MAST3: variants seen among roughly 807,000 people sequenced by gnomAD.
The protein encoded by MAST3 is microtubule associated serine/threonine kinase 3, also known as microtubule-associated serine/threonine-protein kinase 3.
MAST3 carries 43 observed loss-of-function variants against 127.0 expected under a neutral mutation model. That is an observed-to-expected ratio of 0.34 (90% CI 0.27 to 0.44). The LOEUF (loss-of-function observed/expected upper bound fraction) is 0.44. Ranked by LOEUF, MAST3 falls within the 20% of genes least tolerant of loss-of-function variation. The pLI is 1.00. For missense variants in MAST3, 1,390 were observed against 1,919.1 expected (o/e 0.72, Z 5.15); for synonymous variants, 785 against 809.2 (o/e 0.97, Z 0.51).
intron 2 of MAST3, chr19:18,109,840 T>G: frequency 3.1e-6 from 2 of 643,942 alleles, no homozygotes; most frequent in Non-Finnish European, 3.9e-6. Context: ...GGATGCGGGG[T>G]TGGGGAGTTG....
chr19:18,111,199 G>A (rs1368851158), intron 3 of MAST3, among the ~76,000 whole-genome samples: 4 of 152,066 alleles, frequency 2.6e-5, no homozygotes, highest in Non-Finnish European at 4.4e-5. Flanking sequence ...GTGACTGAGC[G>A]CTCCCTAACC....
intron 3 of MAST3, among the ~76,000 whole-genome samples, chr19:18,119,954 G>A (rs2039768221): frequency 6.6e-6 from 1 of 152,228 alleles, no homozygotes; most frequent in Non-Finnish European, 1.5e-5. Flanking sequence ...GCGGCTTGGG[G>A]TGTGTGGGCT....
intron 17 of MAST3, among the ~76,000 whole-genome samples, chr19:18,135,456 C>T (rs2041795423): frequency 6.6e-6 from 1 of 152,008 alleles, no homozygotes; most frequent in African/African-American, 2.4e-5. Context: ...CAGAGCGAGA[C>T]TCCATCTCAA....
At chr19:18,101,965 C>T (rs1373969655) in intron 1 of MAST3, among the ~76,000 whole-genome samples, 1 of 133,454 alleles carries the variant, frequency 7.5e-6, no homozygotes, top group South Asian at 2.3e-4. Context: ...TCCGCTCATT[C>T]CACCTCCCAG....
intron 8 of MAST3, 30 bp downstream of exon 8, chr19:18,123,685 C>T: frequency 6.7e-7 from 1 of 1,500,380 alleles, no homozygotes; most frequent in Non-Finnish European, 8.9e-7. Context: ...TGGACCAGCC[C>T]CTGCACTTCT....
At chr19:18,140,717 T>G (rs1305375442) in intron 20 of MAST3, among the ~76,000 whole-genome samples, 1 of 152,296 alleles carries the variant, frequency 6.6e-6, no homozygotes. Flanking sequence ...ATGGAACACA[T>G]TGTTTATCCA....
chr19:18,136,895 T>C (rs969122502), intron 18 of MAST3, among the ~76,000 whole-genome samples: 1 of 151,496 alleles, frequency 6.6e-6, no homozygotes, highest in Non-Finnish European at 1.5e-5. Context: ...CTCAGCTCAC[T>C]GCTGCAATCT....
chr19:18,098,323 G>A (rs2037186325), intron 1 of MAST3, among the ~76,000 whole-genome samples: 1 of 152,078 alleles, frequency 6.6e-6, no homozygotes, highest in Non-Finnish European at 1.5e-5. Flanking sequence ...AGGAAACTGA[G>A]GCTCTAGTCC....
Position 18,131,959 on chromosome 19 carries a change from A to G in MAST3, c.1483A>G (p.Met495Val). 2 of 1,613,586 alleles carry G rather than the reference A, an allele frequency of 1.2e-6. No individual in the cohort carries two copies. Among genetic ancestry groups the G allele is most frequent in the Non-Finnish European group, 1.7e-6 (2 of 1,179,808 alleles). ...GAACATGGGCCCGCTGCCCGTGGAC[A>G]TGGCCCGCCTGTACTTCGCCGAGAC... is the stretch of plus-strand genomic sequence containing the variant. ...LKNMGPLPVD[M>V]ARLYFAETVL... is the part of the protein sequence containing the mutation. Residue 495 changes from methionine (M) to valine (V), a missense_variant, in exon 15 of 28, where the codon ATG becomes GTG. This residue lies in a region of MAST3 where 191 missense variants were observed against 409.0 expected (regional missense o/e 0.47). Coordinates refer to ENST00000687212, the MANE Select transcript of MAST3 (RefSeq NM_001393504.1).
intron 16 of MAST3, 44 bp downstream of exon 16, chr19:18,134,755 C>G (rs766575109): frequency 5.7e-5 from 92 of 1,613,372 alleles, no homozygotes; most frequent in Non-Finnish European, 7.5e-5. Context: ...GCCTCCTCCT[C>G]TCTCCTGGGA....
chr19:18,148,819 T>C (rs1429088377), intron 27 of MAST3, among the ~76,000 whole-genome samples: 1 of 151,726 alleles, frequency 6.6e-6, no homozygotes, highest in African/African-American at 2.4e-5. Flanking sequence ...ACGAGAATCA[T>C]TTCAACCTGG....
In MAST3 at chr19:18,146,792, G is replaced by A. The variant is rs909083555; in HGVS notation, c.3163-89G>A. 9 of 1,318,076 alleles carry A rather than the reference G, an allele frequency of 6.8e-6. No individual in the cohort carries two copies. In the African/African-American group the frequency reaches 1.3e-4, roughly 19 times the overall value. The allele number at this position is 1,318,076 out of a possible 1,614,324, so 81.6% of individuals were successfully genotyped here. On this transcript the variant is annotated intron_variant, in intron 25 of 27. Coordinates refer to ENST00000687212, the MANE Select transcript of MAST3 (RefSeq NM_001393504.1). ...GCTGGGGTGGTGGGTCCCAGCTGGT[G>A]CCCGGAGTGAAGGGGACATAGCAGC...
chr19:18,149,436 C>A lies in MAST3; in HGVS notation c.3754C>A (p.Arg1252=), dbSNP rs755307229. The part of the protein sequence containing the change: ...PLPGHPPAPA[R]SPRLRRGQSA... The stretch of plus-strand genomic sequence containing the variant: ...GCCCGGGCACCCGCCCGCACCTGCC[C>A]GATCCCCGCGGCTGCGCCGGGGCCA... Residue 1252 remains arginine, a synonymous_variant, in exon 28 of 28, where the codon CGA becomes AGA. Transcript: ENST00000687212. The surrounding 1 kb of genome is among the most constrained non-coding windows in gnomAD (Gnocchi z 5.9). 6.6e-7 allele frequency: 1 copy of A among 1,516,692 alleles called. No homozygotes were observed. The highest frequency in any genetic ancestry group is 1.4e-5 in the African/African-American group (1 of 71,150). The allele number at this position is 1,516,692 out of a possible 1,614,324, so 94.0% of individuals were successfully genotyped here.
At position 18,147,516 on chromosome 19, in the gene MAST3, C is replaced by T. The variant is rs1362666251; in HGVS notation, c.3400C>T (p.Leu1134Phe). Residue 1134 changes from leucine (L) to phenylalanine (F), a missense_variant, in exon 27 of 28, where the codon CTC becomes TTC. Physicochemically the swap from Leu to Phe is conservative, Grantham distance 22 (BLOSUM62 0). Transcript: ENST00000687212. ...LHTSRSFSSG[L>F]HHSLSSSESL... ...CACCAGCCGCAGCTTCTCCTCCGGA[C>T]TCCACCACTCACTGTCATCCAGTGA... is the stretch of plus-strand genomic sequence containing the variant. The T allele has an allele frequency of 1.2e-6, 2 of 1,612,160 alleles. No individual in the cohort carries two copies. Among genetic ancestry groups the T allele is most frequent in the Non-Finnish European group, 8.5e-7 (1 of 1,179,122 alleles).
chr19:18,123,435 T>C (rs2040228052), intron 7 of MAST3, 61 bp downstream of exon 7: 11 of 1,533,710 alleles, frequency 7.2e-6, no homozygotes, highest in African/African-American at 1.4e-5. Flanking sequence ...GAGGCCCAAG[T>C]TGTGGCTCCT....
At chr19:18,106,151 TATC>T (rs1248692344) in intron 1 of MAST3, among the ~76,000 whole-genome samples, 4 of 152,082 alleles carry the variant, frequency 2.6e-5, no homozygotes, top group Admixed American at 1.3e-4. Flanking sequence ...GCAATGGTAT[TATC>T]ATAGTTCACT....
chr19:18,122,144 CA>C (rs78004182), intron 5 of MAST3: 126,370 of 984,838 alleles, frequency 0.13, 8,531 homozygotes, highest in Admixed American at 0.15. Context: ...TCAACCAGCC[CA>C]GGGGGTGGGG....
At chr19:18,134,134 C>T (rs944289113) in intron 15 of MAST3, among the ~76,000 whole-genome samples, 3 of 151,754 alleles carry the variant, frequency 2.0e-5, no homozygotes, top group African/African-American at 4.8e-5. Flanking sequence ...TTTGGGAGGC[C>T]GAGGCAGGTG....
intron 20 of MAST3, among the ~76,000 whole-genome samples, chr19:18,140,995 T>C (rs2042411819): frequency 1.3e-5 from 2 of 152,016 alleles, no homozygotes; most frequent in African/African-American, 4.8e-5. Context: ...GGTTTCACCA[T>C]GTTGCCCAGG....
Sources: allele counts gnomAD v4.1 joint callset (sites outside exome capture counted in the v4.1 genomes callset), GRCh38; gene constraint gnomAD v4.1.1; regional missense constraint gnomAD v4.1.1; non-coding constraint Gnocchi (gnomAD v3.1); transcripts MANE v1.5; gene names NCBI Gene and HGNC (gene_info 2026-07-23, HGNC 2026-07-21).